CNTLN: variants seen among roughly 807,000 people sequenced by gnomAD.
CNTLN encodes centlein, also known as centlein, centrosomal protein.
Under a neutral mutation model 180.0 loss-of-function variants are expected in CNTLN, and 212 were observed. The observed-to-expected ratio is 1.18, with a 90% CI of 1.05 to 1.32. CNTLN has a LOEUF of 1.32. Among genes scored for constraint, CNTLN ranks in the 40% most tolerant of loss-of-function variants. The pLI is 0.00. For synonymous variants in CNTLN, 722 were observed against 563.1 expected, an observed-to-expected ratio of 1.28 and a Z score of -3.99; for missense variants, 2,095 against 1,610.9, an observed-to-expected ratio of 1.30 and a Z score of -5.14.
the CNTLN span, among the ~76,000 whole-genome samples, chr9:17,511,218 G>A: frequency 7.2e-5 from 11 of 152,272 alleles, no homozygotes; most frequent in African/African-American, 2.4e-4. Flanking sequence ...ACAGGTTGAT[G>A]GGAATTGGAT....
At chr9:17,196,715 A>C (rs951296514) in intron 2 of CNTLN, among the ~76,000 whole-genome samples, 1 of 151,216 alleles carries the variant, frequency 6.6e-6, no homozygotes, top group African/African-American at 2.4e-5. Flanking sequence ...AATATTTTTA[A>C]TTTTTAATTT....
chr9:17,201,142 T>G (rs992443084), intron 2 of CNTLN, among the ~76,000 whole-genome samples: 4 of 152,226 alleles, frequency 2.6e-5, no homozygotes, highest in African/African-American at 9.6e-5. Context: ...GTTTATTGAT[T>G]TGTGTTTGTA....
At position 17,135,353 on chromosome 9, in the gene CNTLN, G is replaced by A; in HGVS notation, c.288G>A (p.Glu96=). 1 of 1,601,272 alleles carries A rather than the reference G, an allele frequency of 6.2e-7. No individual in the cohort carries two copies. Among genetic ancestry groups the A allele is most frequent in the Middle Eastern group, 1.7e-4 (1 of 6,044 alleles). ...GGCTAGAGGGCATCTCGGTAGAGGA[G>A]GCGATGGTGACCCGGACGCAGCTGC... The part of the protein sequence containing the change: ...SRRLEGISVE[E]AMVTRTQLLE... The change falls in exon 1 of 26, where the codon GAG becomes GAA. Residue 96 remains glutamate, a synonymous_variant. Coordinates refer to ENST00000380647, the MANE Select transcript of CNTLN (RefSeq NM_017738.4).
At chr9:17,273,972 T>G in intron 6 of CNTLN, 106 bp downstream of exon 6, 1 of 900,576 alleles carries the variant, frequency 1.1e-6, no homozygotes. Flanking sequence ...AACTATGTTT[T>G]CTGTGGTTAT....
At chr9:17,348,705 A>G (rs542947060) in intron 12 of CNTLN, among the ~76,000 whole-genome samples, 1 of 151,598 alleles carries the variant, frequency 6.6e-6, no homozygotes, top group South Asian at 2.1e-4. Flanking sequence ...AAATTTTTGT[A>G]TTTTCTGTAG....
chr9:17,142,381 A>G (rs1310392900), intron 1 of CNTLN, among the ~76,000 whole-genome samples: 4 of 152,186 alleles, frequency 2.6e-5, no homozygotes, highest in Non-Finnish European at 5.9e-5. Context: ...AGATCTTTGA[A>G]TAAATGAATA....
intron 2 of CNTLN, among the ~76,000 whole-genome samples, chr9:17,212,933 A>C (rs896843694): frequency 6.6e-6 from 1 of 151,376 alleles, no homozygotes; most frequent in African/African-American, 2.4e-5. Flanking sequence ...CGTCTATTTG[A>C]TTCTTCTCTC....
chr9:17,457,748 ACATTATG>A, intron 19 of CNTLN, 33 bp downstream of exon 19: 1 of 1,267,648 alleles, frequency 7.9e-7, no homozygotes, highest in Non-Finnish European at 1.0e-6. Flanking sequence ...ATGAAAACAT[ACATTATG>A]CTTGAATCCT....
intron 2 of CNTLN, among the ~76,000 whole-genome samples, chr9:17,185,842 G>C (rs984895168): frequency 6.7e-6 from 1 of 150,174 alleles, no homozygotes; most frequent in African/African-American, 2.5e-5. Flanking sequence ...GCCCAGGCTA[G>C]AGTGCAGTGG....
At chr9:17,380,042 C>T (rs1195390084) in intron 13 of CNTLN, among the ~76,000 whole-genome samples, 1 of 152,120 alleles carries the variant, frequency 6.6e-6, no homozygotes, top group Admixed American at 6.5e-5. Flanking sequence ...AGAGAACAAA[C>T]CAAAATGAAA....
chr9:17,502,186 T>C (rs1235139480), intron 25 of CNTLN, among the ~76,000 whole-genome samples: 1 of 152,198 alleles, frequency 6.6e-6, no homozygotes, highest in East Asian at 1.9e-4. Flanking sequence ...GAACACACAG[T>C]ACTACTTCTG....
rs75089048 is a variant in CNTLN, at chr9:17,498,580, G to A, written c.4120-3971G>A. On this transcript the variant is annotated intron_variant, in intron 25 of 25. Coordinates refer to ENST00000380647, the MANE Select transcript of CNTLN (RefSeq NM_017738.4). ...GAGGCAAACTTTGTCAGATATCCCCGTTAAATTTCTATGCCAAGAAATTTC... is the reference window on the plus strand; with the variant it reads ...GAGGCAAACTTTGTCAGATATCCCCATTAAATTTCTATGCCAAGAAATTTC... Among the ~76,000 whole-genome samples, 754 of 152,182 alleles carry A rather than the reference G, an allele frequency of 5.0e-3. 1 individual carries two copies. The highest frequency in any genetic ancestry group is 9.2e-3 in the African/African-American group (383 of 41,526).
At chr9:17,206,034 A>G (rs538863946) in intron 2 of CNTLN, among the ~76,000 whole-genome samples, 12 of 152,306 alleles carry the variant, frequency 7.9e-5, no homozygotes, top group African/African-American at 2.6e-4. Flanking sequence ...GAGGCTGAGA[A>G]TGAGTTCATC....
chr9:17,300,484 T>C (rs543741684), intron 7 of CNTLN: 2 of 152,210 alleles, frequency 1.3e-5, no homozygotes, highest in South Asian at 2.1e-4. Context: ...ATGTTTTCAG[T>C]ACAGGTGCAG....
intron 12 of CNTLN, among the ~76,000 whole-genome samples, chr9:17,359,749 A>AAAAAAAAAAAAAAC (rs1231775323): frequency 7.2e-6 from 1 of 138,232 alleles, no homozygotes; most frequent in South Asian, 2.5e-4. Context: ...AAAAAAAAAA[A>AAAAAAAAAAAAAAC]ACTAGCTGGG....
chr9:17,371,251 A>C (rs964202263), intron 13 of CNTLN, among the ~76,000 whole-genome samples: 1 of 152,166 alleles, frequency 6.6e-6, no homozygotes, highest in East Asian at 1.9e-4. Flanking sequence ...ATAAAGAAAC[A>C]TATAGACTGA....
chr9:17,261,550 G>A (rs1364677888), intron 5 of CNTLN, among the ~76,000 whole-genome samples: 2 of 151,342 alleles, frequency 1.3e-5, no homozygotes, highest in Admixed American at 1.3e-4. Flanking sequence ...CTGAAATTAT[G>A]TATTCCCTAG....
At chr9:17,325,469 T>A (rs1820219595) in intron 8 of CNTLN, among the ~76,000 whole-genome samples, 1 of 150,844 alleles carries the variant, frequency 6.6e-6, no homozygotes. Context: ...TTGAATTAGT[T>A]TTCAGAGAAC....
At chr9:17,223,005 T>G (rs2132062197) in intron 2 of CNTLN, among the ~76,000 whole-genome samples, 1 of 152,148 alleles carries the variant, frequency 6.6e-6, no homozygotes, top group South Asian at 2.1e-4. Context: ...GGGGGATACG[T>G]TCCAAGCCTC....
Sources: gnomAD v4.1 joint callset for allele counts (sites outside exome capture counted in the v4.1 genomes callset) on GRCh38, gnomAD v4.1.1 for gene constraint, MANE v1.5 for transcripts, NCBI Gene and HGNC (gene_info 2026-07-23, HGNC 2026-07-21) for gene names.